FREM3: variants seen among roughly 807,000 people sequenced by gnomAD.
The protein encoded by FREM3 is FRAS1-related extracellular matrix protein 3.
In FREM3, 105 loss-of-function variants were observed where a neutral mutation model predicts 129.1. The ratio of observed to expected loss-of-function variants is 0.81; its 90% CI spans 0.69 to 0.96. The LOEUF (loss-of-function observed/expected upper bound fraction) is 0.96. Among genes scored for constraint, FREM3 ranks in the 40% least tolerant of loss-of-function variants. The pLI is 0.00. For missense variants in FREM3, 2,593 were observed against 2,666.3 expected (o/e 0.97, Z 0.61); for synonymous variants, 1,014 against 1,044.9 (o/e 0.97, Z 0.57).
At chr4:143,604,537 G>T (rs939053592) in intron 6 of FREM3, among the ~76,000 whole-genome samples, 1 of 152,026 alleles carries the variant, frequency 6.6e-6, no homozygotes, top group Non-Finnish European at 1.5e-5. Context: ...ATACTTAAAA[G>T]TTATATTTTT....
intron 6 of FREM3, among the ~76,000 whole-genome samples, chr4:143,599,923 T>C (rs896332844): frequency 2.0e-5 from 3 of 152,196 alleles, no homozygotes; most frequent in South Asian, 2.1e-4. Context: ...TGGAAGACTT[T>C]GGCCCTGGAC....
chr4:143,674,950 T>C (rs1294873802), intron 2 of FREM3, among the ~76,000 whole-genome samples: 1 of 152,092 alleles, frequency 6.6e-6, no homozygotes, highest in Admixed American at 6.5e-5. Flanking sequence ...ATGGGAGACT[T>C]TAACACCCCA....
At chr4:143,657,007 C>T (rs1209659849) in intron 2 of FREM3, among the ~76,000 whole-genome samples, 7 of 151,880 alleles carry the variant, frequency 4.6e-5, no homozygotes, top group African/African-American at 1.5e-4. Context: ...TATATACTTT[C>T]GCTCTTTGCA....
chr4:143,698,332 G>T lies in FREM3; in HGVS notation c.2344C>A (p.Gln782Lys). 6.5e-7 allele frequency: 1 copy of T among 1,537,840 alleles called. No individual in the cohort carries two copies. Among genetic ancestry groups the T allele is most frequent in the East Asian group, 2.4e-5 (1 of 40,924 alleles). Residue 782 changes from glutamine to lysine, a missense_variant, in exon 1 of 8, where the codon CAG (glutamine) becomes AAG (lysine). Physicochemically the swap from Gln to Lys is moderately conservative, Grantham distance 53 (BLOSUM62 1). This residue lies in a region of FREM3 where 2,276 missense variants were observed against 2,267.2 expected (regional missense o/e 1.00). Transcript: ENST00000329798. ...IMHFTQAQVN[Q>K]HKVAYQPPQK... ...GGAGGCTGGTAGGCAACTTTATGCT[G>T]ATTTACCTGGGCTTGGGTAAAGTGC...
chr4:143,700,555 CG>C lies in FREM3; in HGVS notation c.120del (p.Asp41ThrfsTer23), dbSNP rs1180780787. On this transcript the variant is annotated frameshift_variant, in exon 1 of 8. Transcript: ENST00000329798. LOFTEE classifies it high-confidence loss of function. ...CGGGCGGGCAGGTAAAGCGCCGGGT[CG>C]GGCTCGGTCCCAAGTGAGGATGCCC... Reference protein sequence around the residue: ...QGRASSLGTEPDPALYLPARG... With the variant: ...QGRASSLGTEXDPALYLPARG... 3 of 1,516,702 alleles carry C rather than the reference CG, an allele frequency of 2.0e-6. No homozygotes were observed. Among genetic ancestry groups the C allele is most frequent in the Non-Finnish European group, 2.6e-6 (3 of 1,135,568 alleles). The allele number at this position is 1,516,702 out of a possible 1,614,324, so 94.0% of individuals were successfully genotyped here.
chr4:143,592,858 C>T (rs556865370), intron 6 of FREM3, among the ~76,000 whole-genome samples: 7 of 152,228 alleles, frequency 4.6e-5, no homozygotes, highest in South Asian at 4.1e-4. Context: ...CCATTCTCCC[C>T]GTCACTTTCA....
rs1014319 is a variant in FREM3 at position 143,656,641 on chromosome 4, C to T, written c.5276-28881G>A. ...GGGAGAGAAAGTAGATTAGTGGTTG[C>T]TAAGGCCGAGAGTAGGGAGAGGGGT... On this transcript the variant is annotated intron_variant, in intron 2 of 7. Coordinates refer to ENST00000329798, the MANE Select transcript of FREM3 (RefSeq NM_001168235.2). Among the ~76,000 whole-genome samples, 31 of 152,140 alleles carry T rather than the reference C, an allele frequency of 2.0e-4. 1 individual carries two copies. The highest frequency in any genetic ancestry group is 6.3e-4 in the African/African-American group (26 of 41,518).
At chr4:143,672,566 C>T (rs919964125) in intron 2 of FREM3, among the ~76,000 whole-genome samples, 10 of 152,084 alleles carry the variant, frequency 6.6e-5, no homozygotes, top group Non-Finnish European at 4.4e-5. Flanking sequence ...GACAATTATG[C>T]GTCTTGGAGT....
intron 2 of FREM3, among the ~76,000 whole-genome samples, chr4:143,654,923 G>A (rs970992448): frequency 6.6e-6 from 1 of 152,244 alleles, no homozygotes; most frequent in Middle Eastern, 3.2e-3. Flanking sequence ...AAACAAGTTA[G>A]AGTTGAAGAC....
intron 2 of FREM3, among the ~76,000 whole-genome samples, chr4:143,650,151 A>G (rs998697290): frequency 6.6e-6 from 1 of 152,220 alleles, no homozygotes; most frequent in African/African-American, 2.4e-5. Flanking sequence ...CACTGAAAAG[A>G]CACTAATAGT....
chr4:143,661,226 T>C (rs1271739338), intron 2 of FREM3, among the ~76,000 whole-genome samples: 1 of 152,218 alleles, frequency 6.6e-6, no homozygotes, highest in Non-Finnish European at 1.5e-5. Flanking sequence ...GGGTTTGTCA[T>C]AGATAGCTCT....
intron 5 of FREM3, 39 bp downstream of exon 5, chr4:143,620,998 A>G: frequency 1.2e-5 from 19 of 1,531,980 alleles, no homozygotes; most frequent in Non-Finnish European, 1.7e-5. Flanking sequence ...TGTTCTCATC[A>G]TCTTATTCCT....
At chr4:143,582,031 G>T (rs1301609883) in intron 7 of FREM3, among the ~76,000 whole-genome samples, 1 of 151,986 alleles carries the variant, frequency 6.6e-6, no homozygotes, top group Non-Finnish European at 1.5e-5. Flanking sequence ...CCTCCCCAGT[G>T]CCCCAAGCTT....
chr4:143,594,682 A>G (rs1738435994), intron 6 of FREM3, among the ~76,000 whole-genome samples: 1 of 152,214 alleles, frequency 6.6e-6, no homozygotes, highest in African/African-American at 2.4e-5. Context: ...TAGAGAAAAA[A>G]ATGTCAGAAC....
At chr4:143,588,999 G>A (rs948862397) in intron 6 of FREM3, among the ~76,000 whole-genome samples, 1 of 152,036 alleles carries the variant, frequency 6.6e-6, no homozygotes, top group Non-Finnish European at 1.5e-5. Context: ...GGCCAGTGAT[G>A]ATGAGCATTT....
intron 2 of FREM3, among the ~76,000 whole-genome samples, chr4:143,662,154 C>A (rs1276372170): frequency 6.6e-6 from 1 of 152,028 alleles, no homozygotes; most frequent in Non-Finnish European, 1.5e-5. Flanking sequence ...TTTGCTCTTG[C>A]TTTTCTAGTT....
rs552228316 is a variant in FREM3 at position 143,663,872 on chromosome 4, C to T, written c.5275+29241G>A. On this transcript the variant is annotated intron_variant, in intron 2 of 7. Transcript: ENST00000329798. ...ACTGATACCCTTTCTTCCAGTTGAT[C>T]GCATCGGCTCCTGAGGCTTCTGCAT... Among the ~76,000 whole-genome samples the T allele has an allele frequency of 6.8e-3, 1,037 of 152,186 alleles. 18 individuals carry two copies. The highest frequency in any genetic ancestry group is 0.024 in the African/African-American group (991 of 41,528).
At chr4:143,674,822 A>G (rs1740077667) in intron 2 of FREM3, among the ~76,000 whole-genome samples, 1 of 152,264 alleles carries the variant, frequency 6.6e-6, no homozygotes, top group Admixed American at 6.5e-5. Context: ...TAAAGGGATC[A>G]ATTCAACAAG....
At chr4:143,622,351 CCTAAAGTGCTG>C (rs1560847945) in intron 4 of FREM3, among the ~76,000 whole-genome samples, 1 of 150,856 alleles carries the variant, frequency 6.6e-6, no homozygotes, top group Non-Finnish European at 1.5e-5. Context: ...GCCTCGGCCT[CCTAAAGTGCTG>C]GGATTACAGG....
Sources: allele counts gnomAD v4.1 joint callset (sites outside exome capture counted in the v4.1 genomes callset), GRCh38; gene constraint gnomAD v4.1.1; regional missense constraint gnomAD v4.1.1; transcripts MANE v1.5; gene names NCBI Gene and HGNC (gene_info 2026-07-23, HGNC 2026-07-21).